Variants in KIRREL3 observed in about 807,000 individuals in gnomAD.
KIRREL3 encodes kin of IRRE-like protein 3.
A neutral mutation model predicts 89.7 loss-of-function variants in KIRREL3; 36 were observed. The observed-to-expected ratio is 0.40, with a 90% confidence interval of 0.31 to 0.53. KIRREL3 has a LOEUF of 0.53. Among genes scored for constraint, KIRREL3 ranks in the 20% least tolerant of loss-of-function variants. KIRREL3 has a pLI of 0.49. For synonymous variants in KIRREL3, 445 were observed against 441.4 expected (o/e 1.01, Z -0.10); for missense variants, 864 against 1,056.6 (o/e 0.82, Z 2.53).
At position 126,430,926 on chromosome 11, in the gene KIRREL3, C is replaced by T. The variant is rs551018175; in HGVS notation, c.1696+493G>A. 3 of 989,924 alleles carry T rather than the reference C, an allele frequency of 3.0e-6. No homozygotes were observed. The highest frequency in any genetic ancestry group is 5.3e-5 in the Admixed American group (1 of 19,010). 61.3% of individuals were successfully genotyped at this position (989,924 alleles called of 1,614,324 possible). ...CAAACACTAGAATTTTATTGGTAAT[C>T]ACTGAAGACCTTTAAAAGTTTTCTC... is the stretch of plus-strand genomic sequence containing the variant. On this transcript the variant is annotated intron_variant, in intron 14 of 16. Coordinates refer to ENST00000525144, the MANE Select transcript of KIRREL3 (RefSeq NM_032531.4). The surrounding 1 kb of genome is among the most constrained non-coding windows in gnomAD (Gnocchi z 6.6).
chr11:126,898,927 A>G lies in KIRREL3; in HGVS notation c.55+101528T>C, dbSNP rs919299036. The stretch of plus-strand genomic sequence containing the variant: ...GCTACAATCCAGGCCCCCTTTCCCA[A>G]CTGTCCTCCAAACCTCCTTTATCCT... On this transcript the variant is annotated intron_variant, in intron 1 of 16. Coordinates refer to ENST00000525144, the MANE Select transcript of KIRREL3 (RefSeq NM_032531.4). This position sits in a 1 kb window ranked among gnomAD's most constrained non-coding sequence, Gnocchi z 4.9. Among the ~76,000 whole-genome samples the G allele has an allele frequency of 1.3e-5, 2 of 151,834 alleles. No individual in the cohort carries two copies. The highest frequency in any genetic ancestry group is 2.9e-5 in the Non-Finnish European group (2 of 67,994).
chr11:126,548,214 C>G (rs146081531), intron 2 of KIRREL3, among the ~76,000 whole-genome samples: 87 of 152,302 alleles, frequency 5.7e-4, no homozygotes, highest in African/African-American at 1.9e-3. Flanking sequence ...ATGCCCATCT[C>G]CCCAATGGAC....
At chr11:126,619,546 C>T (rs1284126204) in intron 1 of KIRREL3, among the ~76,000 whole-genome samples, 2 of 152,224 alleles carry the variant, frequency 1.3e-5, no homozygotes, top group African/African-American at 4.8e-5. Context: ...AAGGACTGTT[C>T]TCTCTTCTAC....
chr11:126,562,778 G>A lies in KIRREL3; in HGVS notation c.133+57C>T. 7.1e-7 allele frequency: 1 copy of A among 1,413,108 alleles called. No individual in the cohort carries two copies. Among genetic ancestry groups the A allele is most frequent in the Non-Finnish European group, 1.0e-6 (1 of 997,608 alleles). The allele number at this position is 1,413,108 out of a possible 1,614,324, so 87.5% of individuals were successfully genotyped here. A position where few individuals can be genotyped will look rare whatever the true frequency, so the allele number is the denominator to read the frequency against. On this transcript the variant is annotated intron_variant, in intron 2 of 16. Coordinates refer to ENST00000525144, the MANE Select transcript of KIRREL3 (RefSeq NM_032531.4). The surrounding 1 kb of genome is among the most constrained non-coding windows in gnomAD (Gnocchi z 4.7). ...CTGGTTCCTCTGTCCTGTGGCTGTA[G>A]GGGAGAGCTTCCTCCCTCCAGATTA...
rs929458170 is a variant in KIRREL3, at chr11:126,703,938, G to C, written c.56-141026C>G. ...TACCTTGCATTCCTCCCCTTTCACA[G>C]AAAGGAAGAAGAAATGGAATTTCTG... is the stretch of plus-strand genomic sequence containing the variant. On this transcript the variant is annotated intron_variant, in intron 1 of 16. Coordinates refer to ENST00000525144, the MANE Select transcript of KIRREL3 (RefSeq NM_032531.4). This position sits in a 1 kb window ranked among gnomAD's most constrained non-coding sequence, Gnocchi z 4.6. 1.3e-5 allele frequency among the ~76,000 whole-genome samples: 1 copy of C among 76,448 alleles called. No individual in the cohort carries two copies. Among genetic ancestry groups the C allele is most frequent in the Non-Finnish European group, 2.5e-5 (1 of 40,276 alleles). The allele number at this position is 76,448 out of a possible 152,430, so 50.2% of individuals were successfully genotyped here. A position where few individuals can be genotyped will look rare whatever the true frequency, so the allele number is the denominator to read the frequency against.
intron 1 of KIRREL3, among the ~76,000 whole-genome samples, chr11:126,979,199 C>T (rs934405269): frequency 2.6e-5 from 4 of 152,090 alleles, no homozygotes; most frequent in African/African-American, 9.7e-5. Context: ...TGCCTTTGGG[C>T]AGAGGGGAAA....
intron 1 of KIRREL3, among the ~76,000 whole-genome samples, chr11:126,822,918 T>C (rs1943276885): frequency 6.6e-6 from 1 of 152,152 alleles, no homozygotes. Context: ...CTGTATACTA[T>C]AGGTCAAAGC....
At chr11:126,663,331 G>T (rs1469827938) in intron 1 of KIRREL3, among the ~76,000 whole-genome samples, 1 of 151,770 alleles carries the variant, frequency 6.6e-6, no homozygotes, top group African/African-American at 2.4e-5. Flanking sequence ...GACTACAGGT[G>T]CATGCCACCA....
At chr11:126,789,333 T>A (rs1267008938) in intron 1 of KIRREL3, among the ~76,000 whole-genome samples, 1 of 151,774 alleles carries the variant, frequency 6.6e-6, no homozygotes, top group Non-Finnish European at 1.5e-5. Flanking sequence ...CCTTCTTGCA[T>A]CTGAAGCTCT....
At position 126,501,803 on chromosome 11, in the gene KIRREL3, AC is replaced by A. The variant is rs1957875481; in HGVS notation, c.433+19511del. 6.6e-6 allele frequency among the ~76,000 whole-genome samples: 1 copy of A among 151,664 alleles called. No homozygotes were observed. Among genetic ancestry groups the A allele is most frequent in the South Asian group, 2.1e-4 (1 of 4,798 alleles). On this transcript the variant is annotated intron_variant, in intron 4 of 16. Coordinates refer to ENST00000525144, the MANE Select transcript of KIRREL3 (RefSeq NM_032531.4). This position sits in a 1 kb window ranked among gnomAD's most constrained non-coding sequence, Gnocchi z 5.8. ...CGCTTCTGTTCCTAGTTCAACCCCC[AC>A]CCACATTGTGAGCTCCCTGAAGGCA... is the stretch of plus-strand genomic sequence containing the variant.
intron 1 of KIRREL3, among the ~76,000 whole-genome samples, chr11:126,794,803 C>G (rs901379092): frequency 2.0e-5 from 3 of 152,198 alleles, no homozygotes; most frequent in Non-Finnish European, 4.4e-5. Flanking sequence ...ATATGAATGT[C>G]TATAACAGCT....
chr11:126,839,010 C>T (rs1286339100), intron 1 of KIRREL3, among the ~76,000 whole-genome samples: 1 of 152,198 alleles, frequency 6.6e-6, no homozygotes, highest in Non-Finnish European at 1.5e-5. Context: ...ACTGCATGGG[C>T]TGCCTCCAAG....
rs565821758 is a variant in KIRREL3, at chr11:126,763,262, G to A, written c.56-200350C>T. On this transcript the variant is annotated intron_variant, in intron 1 of 16. Coordinates refer to ENST00000525144, the MANE Select transcript of KIRREL3 (RefSeq NM_032531.4). This position sits in a 1 kb window ranked among gnomAD's most constrained non-coding sequence, Gnocchi z 4.7. ...TTCTGGAACATCTCCCAATGTCGGC[G>A]TTCTGTGATGTGACAATTCCATGAC... Among the ~76,000 whole-genome samples the A allele has an allele frequency of 3.3e-5, 5 of 152,304 alleles. No homozygotes were observed. Among genetic ancestry groups the A allele is most frequent in the South Asian group, 2.1e-4 (1 of 4,820 alleles).
At chr11:126,815,596 C>T (rs185661722) in intron 1 of KIRREL3, among the ~76,000 whole-genome samples, 4 of 152,188 alleles carry the variant, frequency 2.6e-5, no homozygotes, top group Non-Finnish European at 5.9e-5. Flanking sequence ...TGCAGTGGCG[C>T]GATCTCGGCT....
At chr11:126,751,497 G>A (rs748286701) in intron 1 of KIRREL3, among the ~76,000 whole-genome samples, 2 of 152,202 alleles carry the variant, frequency 1.3e-5, no homozygotes, top group South Asian at 2.1e-4. Flanking sequence ...TTTAGCATTC[G>A]TCACAGGGAG....
chr11:126,875,119 A>G (rs1945234994), intron 1 of KIRREL3, among the ~76,000 whole-genome samples: 1 of 152,186 alleles, frequency 6.6e-6, no homozygotes, highest in Admixed American at 6.5e-5. Context: ...ATATCAATCA[A>G]TCAATCAATC....
At chr11:126,691,595 T>C (rs903548414) in intron 1 of KIRREL3, among the ~76,000 whole-genome samples, 2 of 151,952 alleles carry the variant, frequency 1.3e-5, no homozygotes, top group African/African-American at 2.4e-5. Flanking sequence ...AAAATTCTTC[T>C]TTTTTTAAAA....
At chr11:126,483,601 C>T (rs779698847) in intron 4 of KIRREL3, among the ~76,000 whole-genome samples, 86 of 152,348 alleles carry the variant, frequency 5.6e-4, no homozygotes, top group Non-Finnish European at 5.1e-4. Flanking sequence ...GTCTGCTGCT[C>T]ACAATGTTCA....
chr11:126,923,260 TCTTCTTCTCCTTCTCCTTCTC>T (rs1947524972), intron 1 of KIRREL3, among the ~76,000 whole-genome samples: 1 of 96,666 alleles, frequency 1.0e-5, no homozygotes, highest in African/African-American at 4.6e-5. Context: ...TTCTTCTTCT[TCTTCTTCTCCTTCTCCTTCTC>T]CTTCTCCTTC....
Sources: allele counts gnomAD v4.1 joint callset (sites outside exome capture counted in the v4.1 genomes callset), GRCh38; gene constraint gnomAD v4.1.1; non-coding constraint Gnocchi (gnomAD v3.1); transcripts MANE v1.5; gene names NCBI Gene and HGNC (gene_info 2026-07-23, HGNC 2026-07-21).